Variants in CNTNAP2 observed in about 807,000 individuals in gnomAD.
The protein encoded by CNTNAP2 is contactin-associated protein-like 2.
CNTNAP2 carries 98 observed loss-of-function variants against 155.2 expected under a neutral mutation model. The ratio of observed to expected loss-of-function variants is 0.63; its 90% CI spans 0.54 to 0.75. The LOEUF (loss-of-function observed/expected upper bound fraction) is 0.75, where lower values mean the gene tolerates loss of function less well. Ranked by LOEUF, CNTNAP2 falls within the 30% of genes least tolerant of loss-of-function variation. The pLI is 0.00. For synonymous variants in CNTNAP2, 651 were observed against 631.2 expected, an observed-to-expected ratio of 1.03 and a Z score of -0.47; for missense variants, 1,727 against 1,688.1, an observed-to-expected ratio of 1.02 and a Z score of -0.40.
chr7:147,442,753 G>C (rs1018543713), intron 10 of CNTNAP2, among the ~76,000 whole-genome samples: 2 of 152,046 alleles, frequency 1.3e-5, no homozygotes, highest in Non-Finnish European at 2.9e-5. Flanking sequence ...CATTTCCTTC[G>C]AATGAGAAGG....
chr7:146,617,017 T>TTTGTTTG (rs1554456706), intron 1 of CNTNAP2, among the ~76,000 whole-genome samples: 42 of 151,392 alleles, frequency 2.8e-4, no homozygotes, highest in Admixed American at 8.5e-4. Context: ...AACCTGGTTT[T>TTTGTTTG]TTTGTTTGTT....
chr7:147,434,859 T>G (rs547053968), intron 10 of CNTNAP2, among the ~76,000 whole-genome samples: 211 of 152,348 alleles, frequency 1.4e-3, no homozygotes, highest in Middle Eastern at 3.4e-3. Flanking sequence ...CTTCCTCCTC[T>G]TTAGACTGTG....
At chr7:146,203,620 G>T in intron 1 of CNTNAP2, among the ~76,000 whole-genome samples, 1 of 152,004 alleles carries the variant, frequency 6.6e-6, no homozygotes, top group East Asian at 1.9e-4. Context: ...TAAATCACTG[G>T]CCATTGCTGA....
At chr7:146,463,456 T>C (rs1312891849) in intron 1 of CNTNAP2, among the ~76,000 whole-genome samples, 1 of 152,126 alleles carries the variant, frequency 6.6e-6, no homozygotes, top group Admixed American at 6.6e-5. Flanking sequence ...ATATGTTAAA[T>C]TATCTTGCCA....
chr7:148,231,630 A>G (rs559101686), intron 20 of CNTNAP2, among the ~76,000 whole-genome samples: 2 of 152,128 alleles, frequency 1.3e-5, no homozygotes, highest in East Asian at 3.9e-4. Flanking sequence ...CATCTTTCAC[A>G]TATCCTAGGC....
At chr7:147,578,970 T>C (rs535172094) in intron 12 of CNTNAP2, among the ~76,000 whole-genome samples, 6 of 152,114 alleles carry the variant, frequency 3.9e-5, no homozygotes, top group Admixed American at 6.6e-5. Flanking sequence ...TTAATAAATA[T>C]GGAGAAAAAA....
chr7:146,768,876 G>C (rs1446341513), intron 1 of CNTNAP2, among the ~76,000 whole-genome samples: 1 of 152,136 alleles, frequency 6.6e-6, no homozygotes, highest in Non-Finnish European at 1.5e-5. Context: ...TTTCAGCAGA[G>C]ATGCATTTGA....
intron 15 of CNTNAP2, among the ~76,000 whole-genome samples, chr7:148,082,129 A>G (rs762682132): frequency 9.9e-5 from 15 of 152,124 alleles, no homozygotes; most frequent in Non-Finnish European, 2.1e-4. Flanking sequence ...AGGGCATTGC[A>G]GTAGGAATAG....
At chr7:147,682,361 T>C (rs1795958862) in intron 13 of CNTNAP2, among the ~76,000 whole-genome samples, 1 of 151,992 alleles carries the variant, frequency 6.6e-6, no homozygotes, top group African/African-American at 2.4e-5. Context: ...GTAACTATTT[T>C]GTTATATAAT....
intron 1 of CNTNAP2, among the ~76,000 whole-genome samples, chr7:146,707,925 G>A: frequency 6.6e-6 from 1 of 151,946 alleles, no homozygotes. Flanking sequence ...TTAATGCATG[G>A]AGTAGGAAAT....
At chr7:147,779,905 A>C (rs1352158791) in intron 13 of CNTNAP2, among the ~76,000 whole-genome samples, 1 of 152,216 alleles carries the variant, frequency 6.6e-6, no homozygotes, top group African/African-American at 2.4e-5. Flanking sequence ...TTGAAAGCAT[A>C]ATCTATTCCC....
intron 4 of CNTNAP2, among the ~76,000 whole-genome samples, chr7:147,049,955 C>T (rs1478616365): frequency 1.3e-5 from 2 of 152,120 alleles, no homozygotes; most frequent in Admixed American, 1.3e-4. Flanking sequence ...AATTTCGTTC[C>T]AGGCCACTGC....
intron 8 of CNTNAP2, among the ~76,000 whole-genome samples, chr7:147,144,990 G>T (rs546234599): frequency 2.6e-5 from 4 of 152,232 alleles, no homozygotes; most frequent in African/African-American, 9.6e-5. Context: ...GTCTCCATTT[G>T]CCACGTTTGA....
intron 1 of CNTNAP2, among the ~76,000 whole-genome samples, chr7:146,607,014 G>T (rs1369823634): frequency 6.6e-6 from 1 of 152,100 alleles, no homozygotes; most frequent in Non-Finnish European, 1.5e-5. Context: ...GCTATTATGA[G>T]AAATCAATAA....
Position 146,984,871 on chromosome 7 carries a change from C to T in CNTNAP2, c.403-59036C>T, listed in dbSNP as rs1425218723. Among the ~76,000 whole-genome samples the T allele has an allele frequency of 2.0e-5, 3 of 152,288 alleles. No individual in the cohort carries two copies. The East Asian group carries it at 5.8e-4, about 29-fold the overall frequency. ...TGCATGCCGTCAGCTAAACATAATG[C>T]TGTTGAAATTCAAGCACAGTTCTTT... On this transcript the variant is annotated intron_variant, in intron 3 of 23. Coordinates refer to ENST00000361727, the MANE Select transcript of CNTNAP2 (RefSeq NM_014141.6).
intron 13 of CNTNAP2, among the ~76,000 whole-genome samples, chr7:147,891,349 C>A (rs541722142): frequency 2.0e-5 from 3 of 152,050 alleles, no homozygotes; most frequent in African/African-American, 7.2e-5. Flanking sequence ...GGATTGCAGG[C>A]GTGCACCATC....
intron 1 of CNTNAP2, among the ~76,000 whole-genome samples, chr7:146,198,786 T>C (rs1055757545): frequency 6.6e-6 from 1 of 151,970 alleles, no homozygotes; most frequent in African/African-American, 2.4e-5. Flanking sequence ...TTTTTTTTTT[T>C]GTTTTATCAT....
At chr7:147,855,993 C>A (rs891627712) in intron 13 of CNTNAP2, among the ~76,000 whole-genome samples, 2 of 152,136 alleles carry the variant, frequency 1.3e-5, no homozygotes, top group Non-Finnish European at 2.9e-5. Flanking sequence ...CTGGGAGAAC[C>A]TCTCCTGACT....
intron 13 of CNTNAP2, among the ~76,000 whole-genome samples, chr7:147,688,728 G>T (rs912812008): frequency 3.3e-5 from 5 of 151,844 alleles, no homozygotes; most frequent in African/African-American, 1.2e-4. Context: ...AGCCTCTGTG[G>T]TTATACTATG....
Sources: allele counts gnomAD v4.1 joint callset (sites outside exome capture counted in the v4.1 genomes callset), GRCh38; gene constraint gnomAD v4.1.1; transcripts MANE v1.5; gene names NCBI Gene and HGNC (gene_info 2026-07-23, HGNC 2026-07-21).